Variants in NT5DC1 observed in about 807,000 individuals in gnomAD.
The protein encoded by NT5DC1 is 5'-nucleotidase domain-containing protein 1.
NT5DC1 carries 42 observed loss-of-function variants against 59.4 expected under a neutral mutation model. The ratio of observed to expected loss-of-function variants is 0.71; its 90% CI spans 0.55 to 0.92. NT5DC1 has a LOEUF of 0.92. Among genes scored for constraint, NT5DC1 ranks in the 40% least tolerant of loss-of-function variants. The pLI is 0.00. For synonymous variants in NT5DC1, 172 were observed against 188.1 expected, an observed-to-expected ratio of 0.91 and a Z score of 0.70; for missense variants, 501 against 537.1, an observed-to-expected ratio of 0.93 and a Z score of 0.66.
chr6:116,126,546 T>A (rs1323849544), intron 6 of NT5DC1, among the ~76,000 whole-genome samples: 1 of 152,186 alleles, frequency 6.6e-6, no homozygotes, highest in African/African-American at 2.4e-5. Flanking sequence ...TAGACCATCA[T>A]CTAAATTATT....
chr6:116,150,609 A>T (rs1372741847), intron 6 of NT5DC1, among the ~76,000 whole-genome samples: 4 of 152,146 alleles, frequency 2.6e-5, no homozygotes, highest in Non-Finnish European at 1.5e-5. Flanking sequence ...TTAAATTAGA[A>T]TGGGGCAGTG....
At position 116,221,594 on chromosome 6, in the gene NT5DC1, T is replaced by A. The variant is rs1781806972; in HGVS notation, c.704+366T>A. Among the ~76,000 whole-genome samples the A allele has an allele frequency of 2.0e-5, 3 of 152,158 alleles. No homozygotes were observed. The South Asian group carries it at 6.2e-4, about 31-fold the overall frequency. On this transcript the variant is annotated intron_variant, in intron 7 of 11. Transcript: ENST00000319550. ...TATACTCCTCCACAGATACCTGGAG[T>A]ACAGCCACTCTTTAGTCATTTCCGT...
chr6:116,152,516 G>A (rs779232328), intron 6 of NT5DC1, among the ~76,000 whole-genome samples: 1 of 152,102 alleles, frequency 6.6e-6, no homozygotes, highest in Non-Finnish European at 1.5e-5. Flanking sequence ...GCACGATGGG[G>A]TCTCCAGGGC....
intron 6 of NT5DC1, among the ~76,000 whole-genome samples, chr6:116,185,302 T>C (rs1780972100): frequency 6.6e-6 from 1 of 152,118 alleles, no homozygotes; most frequent in Non-Finnish European, 1.5e-5. Context: ...TCTTGGAGAA[T>C]GTTCCATGTG....
intron 8 of NT5DC1, among the ~76,000 whole-genome samples, chr6:116,234,305 T>C (rs572139917): frequency 9.9e-5 from 15 of 152,086 alleles, no homozygotes; most frequent in Non-Finnish European, 1.8e-4. Context: ...AATATCCTCA[T>C]TGTACTCTTT....
At position 116,180,341 on chromosome 6, in the gene NT5DC1, G is replaced by A. The variant is rs548795539; in HGVS notation, c.530-40713G>A. ...AATTCTAACGCAAGGTAACTCATTGGTGCAGGACAGTTTCTCTTTATAGAA... is the reference window on the plus strand; with the variant it reads ...AATTCTAACGCAAGGTAACTCATTGATGCAGGACAGTTTCTCTTTATAGAA... On this transcript the variant is annotated intron_variant, in intron 6 of 11. Coordinates refer to ENST00000319550, the MANE Select transcript of NT5DC1 (RefSeq NM_152729.3). Among the ~76,000 whole-genome samples, 19 of 152,074 alleles carry A rather than the reference G, an allele frequency of 1.2e-4. No individual in the cohort carries two copies. In the South Asian group the frequency reaches 3.7e-3, roughly 30 times the overall value.
chr6:116,239,257 G>C, intron 11 of NT5DC1, 134 bp downstream of exon 11: 3 of 684,432 alleles, frequency 4.4e-6, no homozygotes, highest in South Asian at 3.7e-5. Context: ...TCTAGATATG[G>C]AACCTAGGTA....
In NT5DC1 at chr6:116,108,384, A is replaced by C; in HGVS notation, c.206A>C (p.Asp69Ala). The C allele has an allele frequency of 1.2e-6, 2 of 1,608,056 alleles. No homozygotes were observed. The highest frequency in any genetic ancestry group is 1.7e-6 in the Non-Finnish European group (2 of 1,174,658). ...WDFCCKGLAL[D>A]LEDGNFLKLA... ...TTCAGTTGCAAAGGTTTGGCATTGGATCTAGAAGATGGGAACTTCCTTAAA... is the reference window on the plus strand; with the variant it reads ...TTCAGTTGCAAAGGTTTGGCATTGGCTCTAGAAGATGGGAACTTCCTTAAA... Residue 69 changes from aspartate (D) to alanine (A), a missense_variant, in exon 3 of 12, where the codon GAT (aspartate) becomes GCT (alanine). Transcript: ENST00000319550.
chr6:116,106,167 T>C (rs968566408), intron 1 of NT5DC1, 77 bp from the exon 2 acceptor site: 12 of 796,336 alleles, frequency 1.5e-5, no homozygotes, highest in Non-Finnish European at 2.5e-5. Context: ...GCAATTCCAT[T>C]AGGGTTTTAG....
In NT5DC1 at chr6:116,120,649, G is replaced by A. The variant is rs538507496; in HGVS notation, c.529+2704G>A. On this transcript the variant is annotated intron_variant, in intron 6 of 11. Coordinates refer to ENST00000319550, the MANE Select transcript of NT5DC1 (RefSeq NM_152729.3). ...TTGGACCTGGAGGCCCTGGTGGCCC[G>A]GTGGGTCCATTGAGGCCCTTAGTTG... The A allele has an allele frequency of 8.3e-5, 128 of 1,547,494 alleles. No individual in the cohort carries two copies. Among genetic ancestry groups the A allele is most frequent in the East Asian group, 7.9e-4 (35 of 44,478 alleles).
chr6:116,120,187 A>G, intron 6 of NT5DC1: 1 of 1,614,094 alleles, frequency 6.2e-7, no homozygotes, highest in Non-Finnish European at 8.5e-7. Context: ...TTTCTGTGAG[A>G]TCGATGATGG....
At chr6:116,110,018 G>A (rs537498269) in intron 3 of NT5DC1, among the ~76,000 whole-genome samples, 215 of 152,104 alleles carry the variant, frequency 1.4e-3, no homozygotes, top group Non-Finnish European at 2.7e-3. Flanking sequence ...CTTTTCCAAT[G>A]ATAAGGTTTA....
intron 7 of NT5DC1, 115 bp from the exon 8 acceptor site, chr6:116,222,919 T>C (rs1011134263): frequency 2.3e-5 from 14 of 620,576 alleles, no homozygotes; most frequent in Non-Finnish European, 4.0e-5. Context: ...ATGTAAAAGT[T>C]AGTCAAAAGA....
rs559441310 is a variant in NT5DC1, at chr6:116,166,678, T to G, written c.529+48733T>G. Among the ~76,000 whole-genome samples the G allele has an allele frequency of 2.6e-5, 4 of 152,340 alleles. No homozygotes were observed. The South Asian group carries it at 8.3e-4, about 32-fold the overall frequency. On this transcript the variant is annotated intron_variant, in intron 6 of 11. Transcript: ENST00000319550. ...CTCTTAAAACCAAGTCAGTAGTGTA[T>G]TTCAAAAGTTAATTCAGTTATTTAT...
intron 6 of NT5DC1, chr6:116,121,095 C>T (rs758947447): frequency 2.5e-6 from 4 of 1,613,946 alleles, no homozygotes; most frequent in Non-Finnish European, 3.4e-6. Context: ...CCCATATTCC[C>T]AGGGGGTCCA....
chr6:116,145,327 G>C (rs1444854194), intron 6 of NT5DC1: 1 of 230,690 alleles, frequency 4.3e-6, no homozygotes, highest in African/African-American at 2.3e-5. Context: ...CATAAGATCT[G>C]AGTTCAGTAA....
At chr6:116,119,499 A>G (rs1020028997) in intron 6 of NT5DC1, 2 of 153,116 alleles carry the variant, frequency 1.3e-5, no homozygotes, top group African/African-American at 4.8e-5. Context: ...ATGCACCTGT[A>G]TATTTGAATA....
At chr6:116,230,274 T>C (rs555599921) in intron 8 of NT5DC1, among the ~76,000 whole-genome samples, 1 of 152,340 alleles carries the variant, frequency 6.6e-6, no homozygotes, top group Non-Finnish European at 1.5e-5. Context: ...TTTAATCACA[T>C]GCACACAATA....
At chr6:116,110,659 C>T (rs949552879) in intron 3 of NT5DC1, 191 bp from the exon 4 acceptor site, 24 of 667,164 alleles carry the variant, frequency 3.6e-5, no homozygotes, top group African/African-American at 2.8e-4. Context: ...TGGATTAAAG[C>T]GGGTAAGTGC....
Sources: gnomAD v4.1 joint callset for allele counts (sites outside exome capture counted in the v4.1 genomes callset) on GRCh38, gnomAD v4.1.1 for gene constraint, MANE v1.5 for transcripts, NCBI Gene and HGNC (gene_info 2026-07-23, HGNC 2026-07-21) for gene names.